PGAP4: variants seen among roughly 807,000 people sequenced by gnomAD.
PGAP4 encodes the protein post-GPI attachment to proteins GalNAc transferase 4, also known as GPI-N-acetylgalactosamine transferase PGAP4.
Under a neutral mutation model 28.2 loss-of-function variants are expected in PGAP4, and 12 were observed. That is an observed-to-expected ratio of 0.42 (90% confidence interval 0.27 to 0.69). The LOEUF is 0.69. PGAP4 is among the 30% of genes least tolerant of loss of function. The pLI is 0.22. For missense variants in PGAP4, 425 were observed against 513.5 expected, an observed-to-expected ratio of 0.83 and a Z score of 1.67; for synonymous variants, 205 against 211.8, an observed-to-expected ratio of 0.97 and a Z score of 0.28.
At chr9:101,494,577 C>A (rs1826720925) in intron 2 of PGAP4, among the ~76,000 whole-genome samples, 1 of 151,532 alleles carries the variant, frequency 6.6e-6, no homozygotes, top group Admixed American at 6.6e-5. Context: ...TTTGTAAGTC[C>A]ATTAGTTTTG....
At chr9:101,505,977 T>C (rs79238232) in intron 2 of PGAP4, among the ~76,000 whole-genome samples, 5,877 of 152,218 alleles carry the variant, frequency 0.039, 162 homozygotes, top group Admixed American at 0.077. Flanking sequence ...CTCCATAGCA[T>C]CAACAATTTA....
chr9:101,484,275 G>C (rs1826559921), intron 1 of PGAP4, among the ~76,000 whole-genome samples: 1 of 151,974 alleles, frequency 6.6e-6, no homozygotes, highest in African/African-American at 2.4e-5. Context: ...GAGAGAAGGA[G>C]AGAGTGAGGA....
intron 2 of PGAP4, among the ~76,000 whole-genome samples, chr9:101,518,283 G>A (rs760734434): frequency 5.9e-5 from 9 of 151,868 alleles, no homozygotes; most frequent in Admixed American, 2.6e-4. Context: ...CCAGTCCATC[G>A]ATCTTTTTTC....
chr9:101,527,682 A>C (rs1225128856), intron 2 of PGAP4, among the ~76,000 whole-genome samples: 1 of 152,346 alleles, frequency 6.6e-6, no homozygotes, highest in East Asian at 1.9e-4. Flanking sequence ...AAAATGTATA[A>C]ATATAAACTT....
intron 2 of PGAP4, among the ~76,000 whole-genome samples, chr9:101,502,705 G>A (rs1038143852): frequency 6.6e-6 from 1 of 151,934 alleles, no homozygotes; most frequent in Non-Finnish European, 1.5e-5. Flanking sequence ...CCTTGCTCTG[G>A]TCTCTGTGCT....
At chr9:101,502,324 T>C (rs1249851578) in intron 2 of PGAP4, among the ~76,000 whole-genome samples, 1 of 152,088 alleles carries the variant, frequency 6.6e-6, no homozygotes, top group African/African-American at 2.4e-5. Flanking sequence ...CGTACTCTTT[T>C]GGGTTTGGAT....
Position 101,523,619 on chromosome 9 carries a change from C to CTTTTTTTTTTTTTTTTTTTTTTTTT in PGAP4, c.-165+7704_-165+7728dup, listed in dbSNP as rs71356369. ...ACATTTCTCCCCTCACTTCTTGTAT[C>CTTTTTTTTTTTTTTTTTTTTTTTTT]TTTTTTTTTTTTTTTTTTTTTTTTT... On this transcript the variant is annotated intron_variant, in intron 2 of 3. Transcript: ENST00000374851. 4.5e-4 allele frequency among the ~76,000 whole-genome samples: 27 copies of CTTTTTTTTTTTTTTTTTTTTTTTTT among 59,346 alleles called. 4 individuals are homozygous for CTTTTTTTTTTTTTTTTTTTTTTTTT. Among genetic ancestry groups the CTTTTTTTTTTTTTTTTTTTTTTTTT allele is most frequent in the African/African-American group, 1.4e-3 (20 of 14,126 alleles). The allele number at this position is 59,346 out of a possible 152,430, so 38.9% of individuals were successfully genotyped here.
In PGAP4 at chr9:101,523,619, C is replaced by CATTTTTTTTTTTTTTTTTTTTTT. The variant is rs1245170432; in HGVS notation, c.-165+7728_-165+7729insAAAAAAAAAAAAAAAAAAAAAAT. ...ACATTTCTCCCCTCACTTCTTGTAT[C>CATTTTTTTTTTTTTTTTTTTTTT]TTTTTTTTTTTTTTTTTTTTTTTTT... On this transcript the variant is annotated intron_variant, in intron 2 of 3. Coordinates refer to the PGAP4 transcript ENST00000374851. 3.9e-4 allele frequency among the ~76,000 whole-genome samples: 23 copies of CATTTTTTTTTTTTTTTTTTTTTT among 59,354 alleles called. 2 individuals are homozygous for CATTTTTTTTTTTTTTTTTTTTTT. The highest frequency in any genetic ancestry group is 9.2e-4 in the African/African-American group (13 of 14,130). 38.9% of individuals were successfully genotyped at this position (59,354 alleles called of 152,430 possible).
intron 2 of PGAP4, among the ~76,000 whole-genome samples, chr9:101,527,710 C>T (rs147940190): frequency 2.0e-5 from 3 of 152,242 alleles, no homozygotes; most frequent in Non-Finnish European, 4.4e-5. Context: ...ATGCCTTATG[C>T]TTATACAGCT....
intron 2 of PGAP4, among the ~76,000 whole-genome samples, chr9:101,530,410 G>A (rs777669204): frequency 1.3e-5 from 2 of 152,080 alleles, no homozygotes; most frequent in Non-Finnish European, 2.9e-5. Context: ...CTTAAAATCT[G>A]AGTCTGTTTT....
intron 2 of PGAP4, among the ~76,000 whole-genome samples, chr9:101,523,961 G>C (rs374745384): frequency 6.6e-6 from 1 of 151,766 alleles, no homozygotes; most frequent in East Asian, 1.9e-4. Context: ...CTTTTCCTAT[G>C]GATGTGGCTT....
At chr9:101,514,248 T>C (rs1015761943) in intron 2 of PGAP4, among the ~76,000 whole-genome samples, 3 of 152,194 alleles carry the variant, frequency 2.0e-5, no homozygotes, top group African/African-American at 4.8e-5. Context: ...TCAGCCTCTT[T>C]GCTGCAATGA....
intron 2 of PGAP4, among the ~76,000 whole-genome samples, chr9:101,528,569 C>T (rs1479626935): frequency 6.6e-6 from 1 of 152,126 alleles, no homozygotes; most frequent in South Asian, 2.1e-4. Context: ...TGTTCTTTCT[C>T]CTCCAAGGCC....
intron 2 of PGAP4, among the ~76,000 whole-genome samples, chr9:101,500,488 C>T (rs900143205): frequency 6.6e-6 from 1 of 151,932 alleles, no homozygotes; most frequent in Non-Finnish European, 1.5e-5. Flanking sequence ...CAGATAATCG[C>T]TGCATGTCAA....
intron 2 of PGAP4, among the ~76,000 whole-genome samples, chr9:101,525,614 G>C (rs990033497): frequency 1.3e-4 from 19 of 145,626 alleles, no homozygotes; most frequent in Non-Finnish European, 2.4e-4. Flanking sequence ...AGCTAAGGAA[G>C]AGAGAATCAC....
chr9:101,524,394 G>A (rs767567224), intron 2 of PGAP4, among the ~76,000 whole-genome samples: 70 of 152,074 alleles, frequency 4.6e-4, no homozygotes, highest in Non-Finnish European at 7.9e-4. Context: ...CCGGCCCCAG[G>A]CTATCTACCT....
chr9:101,493,336 C>A (rs531480651), intron 2 of PGAP4, among the ~76,000 whole-genome samples: 10 of 151,490 alleles, frequency 6.6e-5, no homozygotes, highest in African/African-American at 1.9e-4. Context: ...TCTGATTTTT[C>A]TCTGCCTTTT....
chr9:101,477,429 C>T (rs1364444887), intron 1 of PGAP4, among the ~76,000 whole-genome samples: 1 of 152,140 alleles, frequency 6.6e-6, no homozygotes. Flanking sequence ...ATCATCACGC[C>T]TAAAGATACT....
intron 2 of PGAP4, among the ~76,000 whole-genome samples, chr9:101,512,250 G>A (rs1330954741): frequency 6.6e-6 from 1 of 152,070 alleles, no homozygotes; most frequent in East Asian, 1.9e-4. Flanking sequence ...AAGGAAGCAA[G>A]ATAATCCTCA....
Sources: allele counts gnomAD v4.1 joint callset (sites outside exome capture counted in the v4.1 genomes callset), GRCh38; gene constraint gnomAD v4.1.1; transcripts MANE v1.5; gene names NCBI Gene and HGNC (gene_info 2026-07-23, HGNC 2026-07-21).